The following ATP9B variants were observed in gnomAD, a reference collection of about 807,000 sequenced individuals.
The protein encoded by ATP9B is probable phospholipid-transporting ATPase IIB.
Under a neutral mutation model 146.1 loss-of-function variants are expected in ATP9B, and 110 were observed. That is an observed-to-expected ratio of 0.75 (90% confidence interval 0.65 to 0.88). ATP9B has a LOEUF of 0.88. Ranked by LOEUF, ATP9B falls within the 40% of genes least tolerant of loss-of-function variation. The probability of loss-of-function intolerance (pLI) is 0.00; values close to 1 mark genes in which losing one functional copy is unlikely to be tolerated. For synonymous variants in ATP9B, 604 were observed against 569.7 expected (o/e 1.06, Z -0.86); for missense variants, 1,499 against 1,496.4 (o/e 1.00, Z -0.03).
chr18:79,320,241 G>T (rs1489101686), intron 15 of ATP9B, among the ~76,000 whole-genome samples: 1 of 152,218 alleles, frequency 6.6e-6, no homozygotes. Context: ...GGGAACTGAG[G>T]TTCTGGGAGG....
chr18:79,327,656 G>A (rs1367341756), intron 15 of ATP9B, among the ~76,000 whole-genome samples: 12 of 138,332 alleles, frequency 8.7e-5, no homozygotes, highest in African/African-American at 1.9e-4. Flanking sequence ...CATGCTCTCC[G>A]TGTTTAGCGT....
intron 21 of ATP9B, among the ~76,000 whole-genome samples, chr18:79,344,832 T>G (rs1280243879): frequency 6.6e-6 from 1 of 152,190 alleles, no homozygotes; most frequent in Admixed American, 6.5e-5. Flanking sequence ...TGGTTCTGGC[T>G]CTCTGTCCTC....
intron 13 of ATP9B, among the ~76,000 whole-genome samples, chr18:79,301,333 AAT>A (rs1382950042): frequency 6.6e-6 from 1 of 152,182 alleles, no homozygotes; most frequent in African/African-American, 2.4e-5. Flanking sequence ...CTCTACTAAA[AAT>A]ACAAAAATTA....
chr18:79,348,277 CG>C (rs2096903115), intron 25 of ATP9B, 81 bp downstream of exon 25: 1 of 1,193,106 alleles, frequency 8.4e-7, no homozygotes, highest in East Asian at 2.5e-5. Context: ...AAACAAAAAA[CG>C]TATATAGAAG....
intron 9 of ATP9B, among the ~76,000 whole-genome samples, chr18:79,200,528 G>A (rs567237267): frequency 6.6e-6 from 1 of 152,082 alleles, no homozygotes; most frequent in Non-Finnish European, 1.5e-5. Flanking sequence ...AGTGCACACA[G>A]AACATTTATT....
chr18:79,220,140 G>C (rs1483385780), intron 11 of ATP9B, among the ~76,000 whole-genome samples: 16 of 152,162 alleles, frequency 1.1e-4, no homozygotes, highest in Non-Finnish European at 1.5e-4. Context: ...GGCAGTGAGA[G>C]GGCTCCTTAT....
At chr18:79,219,433 T>C (rs1387284919) in intron 11 of ATP9B, among the ~76,000 whole-genome samples, 1 of 152,112 alleles carries the variant, frequency 6.6e-6, no homozygotes, top group African/African-American at 2.4e-5. Context: ...ATCACAAACC[T>C]ATTAATGTTT....
At chr18:79,314,159 A>T (rs946265519) in intron 15 of ATP9B, among the ~76,000 whole-genome samples, 3 of 152,210 alleles carry the variant, frequency 2.0e-5, no homozygotes, top group African/African-American at 7.2e-5. Flanking sequence ...ACCTATCACA[A>T]CATCTATGGT....
intron 26 of ATP9B, chr18:79,362,907 T>A (rs760218264): frequency 5.9e-5 from 9 of 152,258 alleles, no homozygotes; most frequent in Non-Finnish European, 1.3e-4. Flanking sequence ...ACCCCTTCAC[T>A]AATTTTTATT....
chr18:79,226,847 G>A (rs941276960), intron 11 of ATP9B, among the ~76,000 whole-genome samples: 4 of 152,158 alleles, frequency 2.6e-5, no homozygotes, highest in African/African-American at 9.7e-5. Flanking sequence ...TGAAAGGAGT[G>A]CACATTGACT....
At chr18:79,326,554 A>G (rs1404226257) in intron 15 of ATP9B, among the ~76,000 whole-genome samples, 1 of 149,944 alleles carries the variant, frequency 6.7e-6, no homozygotes, top group Non-Finnish European at 1.5e-5. Context: ...CTCCCTGCAC[A>G]TGGTGTTAAG....
At chr18:79,083,246 G>A (rs645906) in intron 1 of ATP9B, among the ~76,000 whole-genome samples, 20,181 of 152,158 alleles carry the variant, frequency 0.13, 1,952 homozygotes, top group African/African-American at 0.27. Context: ...AATGGCAGAC[G>A]CCCCTTGCCC....
chr18:79,292,425 T>C (rs758909951), intron 13 of ATP9B, among the ~76,000 whole-genome samples: 3 of 152,200 alleles, frequency 2.0e-5, no homozygotes, highest in Non-Finnish European at 4.4e-5. Flanking sequence ...CATCCAGAGA[T>C]AGAATTAAGA....
At chr18:79,112,176 A>G (rs1235833699) in intron 3 of ATP9B, among the ~76,000 whole-genome samples, 2 of 152,182 alleles carry the variant, frequency 1.3e-5, no homozygotes, top group African/African-American at 4.8e-5. Flanking sequence ...GTTGAGCAAT[A>G]AGCACTTAAC....
At position 79,296,570 on chromosome 18, in the gene ATP9B, G is replaced by A. The variant is rs561174621; in HGVS notation, c.1412-7034G>A. 9.2e-5 allele frequency among the ~76,000 whole-genome samples: 14 copies of A among 152,180 alleles called. No individual in the cohort carries two copies. The South Asian group carries it at 1.2e-3, about 14-fold the overall frequency. On this transcript the variant is annotated intron_variant, in intron 13 of 29. Transcript: ENST00000426216. Reference sequence around the variant, plus strand: ...GAACTAAATATAGAAGGTATCTTCCGGATTTTTATATAATATTTCCAACTT... The same window carrying A: ...GAACTAAATATAGAAGGTATCTTCCAGATTTTTATATAATATTTCCAACTT...
chr18:79,164,644 G>C (rs773831206), intron 7 of ATP9B, among the ~76,000 whole-genome samples: 2 of 152,130 alleles, frequency 1.3e-5, no homozygotes, highest in African/African-American at 4.8e-5. Context: ...GTGTGAACCC[G>C]GGAGGTGGAG....
chr18:79,222,015 C>T (rs1164270952), intron 11 of ATP9B, among the ~76,000 whole-genome samples: 2 of 151,984 alleles, frequency 1.3e-5, no homozygotes, highest in African/African-American at 4.8e-5. Context: ...TCCCTAGACC[C>T]TGAGTTCAAC....
At chr18:79,178,614 T>C (rs2095211612) in intron 8 of ATP9B, among the ~76,000 whole-genome samples, 1 of 152,202 alleles carries the variant, frequency 6.6e-6, no homozygotes, top group Non-Finnish European at 1.5e-5. Context: ...TCTGTATCTG[T>C]AGGGATGATC....
At chr18:79,131,268 T>C (rs1190937819) in intron 5 of ATP9B, among the ~76,000 whole-genome samples, 2 of 152,166 alleles carry the variant, frequency 1.3e-5, no homozygotes, top group East Asian at 1.9e-4. Context: ...GAGAAAATTG[T>C]ATATCTGATA....
Sources: allele counts gnomAD v4.1 joint callset (sites outside exome capture counted in the v4.1 genomes callset), GRCh38; gene constraint gnomAD v4.1.1; transcripts MANE v1.5; gene names NCBI Gene and HGNC (gene_info 2026-07-23, HGNC 2026-07-21).